EDA: variants seen among roughly 807,000 people sequenced by gnomAD.
The protein encoded by EDA is ectodysplasin A.
EDA carries 2 observed loss-of-function variants against 23.6 expected under a neutral mutation model. The observed-to-expected ratio is 0.08, with a 90% CI of 0.03 to 0.27. The LOEUF is 0.27. Among genes scored for constraint, EDA ranks in the 10% least tolerant of loss-of-function variants. The pLI is 1.00. For missense variants in EDA, 229 were observed against 324.2 expected (o/e 0.71, Z 2.26); for synonymous variants, 131 against 132.0 (o/e 0.99, Z 0.05).
chrX:69,701,547 C>G lies in EDA; in HGVS notation c.396+84843C>G, dbSNP rs1408614516. 5.4e-5 allele frequency among the ~76,000 whole-genome samples: 6 copies of G among 111,668 alleles called. No individual in the cohort carries two copies. In the East Asian group the frequency reaches 1.7e-3, roughly 32 times the overall value. ...CACTTTCCTCATCACGATTGTTAGA[C>G]TTTGAAGGCAAAATTAAGAAGGTCT... is the stretch of plus-strand genomic sequence containing the variant. On this transcript the variant is annotated intron_variant, in intron 1 of 7. Transcript: ENST00000374552.
At chrX:69,859,162 T>C (rs963893249) in intron 1 of EDA, among the ~76,000 whole-genome samples, 1 of 111,366 alleles carries the variant, frequency 9.0e-6, no homozygotes, top group African/African-American at 3.3e-5. Context: ...GTCTATTTAA[T>C]TAATTTTTTC....
At chrX:69,965,782 T>C (rs5980884) in intron 2 of EDA, among the ~76,000 whole-genome samples, 1 of 111,636 alleles carries the variant, frequency 9.0e-6, no homozygotes, top group Non-Finnish European at 1.9e-5. Context: ...CACGGTGGCT[T>C]ACGCCTGTAA....
intron 1 of EDA, among the ~76,000 whole-genome samples, chrX:69,851,867 G>A (rs187751039): frequency 4.0e-4 from 45 of 111,789 alleles, no homozygotes; most frequent in Admixed American, 1.0e-3. Flanking sequence ...ACTCTAAAAT[G>A]TAGAGGGAGA....
chrX:69,976,100 A>C (rs2147444944), intron 2 of EDA, among the ~76,000 whole-genome samples: 1 of 111,787 alleles, frequency 8.9e-6, no homozygotes, highest in East Asian at 2.8e-4. Flanking sequence ...CTTAATTGAA[A>C]GTTTTAATAA....
intron 2 of EDA, among the ~76,000 whole-genome samples, chrX:70,007,472 G>T (rs753723680): frequency 9.9e-5 from 11 of 111,507 alleles, no homozygotes; most frequent in Non-Finnish European, 1.7e-4. Flanking sequence ...TTTCCCCTTT[G>T]CTCGGCACTC....
intron 1 of EDA, among the ~76,000 whole-genome samples, chrX:69,695,512 C>CTTT (rs34298428): frequency 0.28 from 25,093 of 88,674 alleles, 4,172 homozygotes; most frequent in Middle Eastern, 0.44. Context: ...TTCCTTCTTT[C>CTTT]TTTTTTTTTT....
intron 1 of EDA, among the ~76,000 whole-genome samples, chrX:69,637,740 T>C (rs1179095772): frequency 9.0e-6 from 1 of 111,327 alleles, no homozygotes; most frequent in Non-Finnish European, 1.9e-5. Context: ...AAAGAGGCAA[T>C]GGATATGAAC....
chrX:69,936,620 T>G, intron 1 of EDA, among the ~76,000 whole-genome samples: 1 of 112,102 alleles, frequency 8.9e-6, no homozygotes, highest in Middle Eastern at 4.6e-3. Context: ...TGGTCATTTT[T>G]CCAGCTAAGA....
At chrX:69,619,883 A>G (rs1932112692) in intron 1 of EDA, among the ~76,000 whole-genome samples, 1 of 112,092 alleles carries the variant, frequency 8.9e-6, no homozygotes, top group Non-Finnish European at 1.9e-5. Flanking sequence ...AACCACTTAC[A>G]AAACACTTAT....
intron 1 of EDA, among the ~76,000 whole-genome samples, chrX:69,827,105 C>T (rs1204602111): frequency 4.5e-4 from 50 of 111,177 alleles, no homozygotes; most frequent in African/African-American, 1.3e-3. Flanking sequence ...GAGGGTAACC[C>T]GACCTTTCTC....
At chrX:69,962,403 A>C (rs1024454413) in intron 2 of EDA, among the ~76,000 whole-genome samples, 6 of 112,152 alleles carry the variant, frequency 5.3e-5, no homozygotes, top group Admixed American at 2.8e-4. Context: ...GTTTATCAAA[A>C]GTGTTAATGT....
chrX:69,682,902 G>A (rs965124718), intron 1 of EDA, among the ~76,000 whole-genome samples: 2 of 111,383 alleles, frequency 1.8e-5, no homozygotes, highest in African/African-American at 6.5e-5. Flanking sequence ...CTTGAGTTTA[G>A]TGTTTATCAA....
At chrX:69,994,872 G>A (rs764583247) in intron 2 of EDA, among the ~76,000 whole-genome samples, 4 of 112,070 alleles carry the variant, frequency 3.6e-5, no homozygotes, top group South Asian at 3.7e-4. Context: ...GTTTAAAATG[G>A]TAGTGATTTT....
chrX:69,830,496 T>A (rs1172863686), intron 1 of EDA, among the ~76,000 whole-genome samples: 3 of 111,836 alleles, frequency 2.7e-5, no homozygotes, highest in African/African-American at 6.5e-5. Context: ...AGGAAAAAAA[T>A]TTGTATAATC....
chrX:69,767,310 A>T (rs2014498487), intron 1 of EDA, among the ~76,000 whole-genome samples: 1 of 111,268 alleles, frequency 9.0e-6, no homozygotes, highest in Non-Finnish European at 1.9e-5. Context: ...TAAATAATAA[A>T]TATACCTATC....
chrX:69,987,311 T>TAAAAAA (rs1270338172), intron 2 of EDA, among the ~76,000 whole-genome samples: 2,101 of 101,591 alleles, frequency 0.021, 83 homozygotes, highest in African/African-American at 0.074. Context: ...TTTTTTTTTT[T>TAAAAAA]AAAAATAAAT....
chrX:69,792,596 A>G (rs2015433349), intron 1 of EDA, among the ~76,000 whole-genome samples: 1 of 112,360 alleles, frequency 8.9e-6, no homozygotes, highest in South Asian at 3.7e-4. Flanking sequence ...GCAGTCTAAA[A>G]AAATATTCCC....
intron 1 of EDA, among the ~76,000 whole-genome samples, chrX:69,723,809 G>A (rs776465722): frequency 9.0e-6 from 1 of 111,522 alleles, no homozygotes; most frequent in Non-Finnish European, 1.9e-5. Context: ...ATCTTAAGAT[G>A]TGTTTTCTTC....
chrX:69,808,180 C>G (rs1220369334), intron 1 of EDA, among the ~76,000 whole-genome samples: 1 of 110,929 alleles, frequency 9.0e-6, no homozygotes, highest in Non-Finnish European at 1.9e-5. Flanking sequence ...TTTTGTTAAT[C>G]TTATTGTTTT....
Sources: allele counts gnomAD v4.1 joint callset (sites outside exome capture counted in the v4.1 genomes callset), GRCh38; gene constraint gnomAD v4.1.1; transcripts MANE v1.5; gene names NCBI Gene and HGNC (gene_info 2026-07-23, HGNC 2026-07-21).